Variants in FHDC1 observed in about 807,000 individuals in gnomAD.
FHDC1 encodes the protein FH2 domain containing 1.
A neutral mutation model predicts 52.6 loss-of-function variants in FHDC1; 25 were observed. The ratio of observed to expected loss-of-function variants is 0.48; its 90% CI spans 0.35 to 0.66. The LOEUF is 0.66. FHDC1 is among the 30% of genes least tolerant of loss of function. The pLI, the probability that FHDC1 is intolerant of heterozygous loss-of-function variation, is 0.01. For synonymous variants in FHDC1, 616 were observed against 581.5 expected, an observed-to-expected ratio of 1.06 and a Z score of -0.85; for missense variants, 1,459 against 1,452.8, an observed-to-expected ratio of 1.00 and a Z score of -0.07.
chr4:152,936,365 G>A lies in FHDC1; in HGVS notation c.-175G>A, dbSNP rs1297616196. 2.0e-5 allele frequency: 3 copies of A among 152,384 alleles called. No individual in the cohort carries two copies. Among genetic ancestry groups the A allele is most frequent in the Admixed American group, 1.3e-4 (2 of 15,278 alleles). 9.4% of individuals were successfully genotyped at this position (152,384 alleles called of 1,614,324 possible). ...GGCTACGCCGACACAACGGCGGGAGGCTGCAGCGGTCTGCGCGCCGGGAGC... is the reference window on the plus strand; with the variant it reads ...GGCTACGCCGACACAACGGCGGGAGACTGCAGCGGTCTGCGCGCCGGGAGC... On this transcript the variant is annotated 5_prime_UTR_variant, in exon 1 of 12. Coordinates refer to ENST00000511601, the MANE Select transcript of FHDC1 (RefSeq NM_001371116.1).
At chr4:152,926,553 T>G in the FHDC1 span, among the ~76,000 whole-genome samples, 3 of 151,438 alleles carry the variant, frequency 2.0e-5, no homozygotes. Flanking sequence ...GTGATGCCAT[T>G]GCTTTTTTAG....
rs200754454 is a variant in FHDC1, at chr4:152,976,393, C to G, written c.3102C>G (p.Ser1034Arg). Residue 1034 changes from serine (S) to arginine (R), a missense_variant, in exon 12 of 12, where the codon AGC (serine) becomes AGG (arginine). Physicochemically the swap from Ser to Arg is moderately radical, Grantham distance 110. This residue lies in a region of FHDC1 where 939 missense variants were observed against 854.5 expected (regional missense o/e 1.10). Coordinates refer to ENST00000511601, the MANE Select transcript of FHDC1 (RefSeq NM_001371116.1). ...CCCACGAACTACCCCGTGTCCCGAGCTTTGCCCGGAACACAGTGGCCTCCT... is the reference window on the plus strand; with the variant it reads ...CCCACGAACTACCCCGTGTCCCGAGGTTTGCCCGGAACACAGTGGCCTCCT... ...SVPHELPRVPSFARNTVASSS... is the reference protein window; with the variant it reads ...SVPHELPRVPRFARNTVASSS... 15 of 1,613,840 alleles carry G rather than the reference C, an allele frequency of 9.3e-6. No homozygotes were observed. The highest frequency in any genetic ancestry group is 1.1e-5 in the South Asian group (1 of 91,088).
At chr4:152,959,142 G>C (rs1411474741) in intron 4 of FHDC1, among the ~76,000 whole-genome samples, 1 of 152,150 alleles carries the variant, frequency 6.6e-6, no homozygotes, top group African/African-American at 2.4e-5. Flanking sequence ...ATAATATGAA[G>C]TGTTAGCTAC....
intron 6 of FHDC1, among the ~76,000 whole-genome samples, chr4:152,962,572 T>G (rs987332244): frequency 6.6e-6 from 1 of 152,268 alleles, no homozygotes; most frequent in Non-Finnish European, 1.5e-5. Context: ...TGAACTATTT[T>G]GTGCTATTTA....
At chr4:152,929,107 A>T in the FHDC1 span, among the ~76,000 whole-genome samples, 1 of 152,148 alleles carries the variant, frequency 6.6e-6, no homozygotes. This position sits in a 1 kb window ranked among gnomAD's most constrained non-coding sequence, Gnocchi z 4.1. Context: ...GAGACATGAG[A>T]CATCAATCAA....
At chr4:152,928,623 T>C in the FHDC1 span, among the ~76,000 whole-genome samples, 3 of 152,356 alleles carry the variant, frequency 2.0e-5, no homozygotes, top group South Asian at 6.2e-4. Flanking sequence ...TTAAACATTC[T>C]ATTGTAGATG....
intron 5 of FHDC1, 31 bp downstream of exon 5, chr4:152,960,681 C>T: frequency 6.2e-7 from 1 of 1,610,774 alleles, no homozygotes; most frequent in Non-Finnish European, 8.5e-7. Context: ...TATTATTCTT[C>T]ACGCAGTAAG....
In FHDC1 at chr4:152,975,138, C is replaced by T. The variant is rs780972369; in HGVS notation, c.1847C>T (p.Ser616Leu). 6.2e-7 allele frequency: 1 copy of T among 1,612,960 alleles called. No homozygotes were observed. Among genetic ancestry groups the T allele is most frequent in the Non-Finnish European group, 8.5e-7 (1 of 1,180,028 alleles). The change falls in exon 12 of 12, where the codon TCA becomes TTA. Residue 616 changes from serine (S) to leucine (L), a missense_variant. By Grantham distance (145) the Ser-to-Leu change is moderately radical (BLOSUM62 -2). Coordinates refer to ENST00000511601, the MANE Select transcript of FHDC1 (RefSeq NM_001371116.1). Reference protein sequence around the residue: ...GGQEEAPNPPSAQAHQLAAAQ... With the variant: ...GGQEEAPNPPLAQAHQLAAAQ... ...CAGGAGGAGGCCCCCAACCCACCCTCAGCACAGGCGCACCAGCTTGCAGCC... is the reference window on the plus strand; with the variant it reads ...CAGGAGGAGGCCCCCAACCCACCCTTAGCACAGGCGCACCAGCTTGCAGCC...
upstream of FHDC1, among the ~76,000 whole-genome samples, chr4:152,933,668 G>C (rs1441835423): frequency 6.7e-6 from 1 of 149,900 alleles, no homozygotes; most frequent in East Asian, 1.9e-4. Context: ...GGGAGGCAGA[G>C]GTTGCAGTGA....
chr4:152,914,832 C>G, the FHDC1 span, among the ~76,000 whole-genome samples: 2 of 152,024 alleles, frequency 1.3e-5, no homozygotes, highest in African/African-American at 4.8e-5. Flanking sequence ...CCATATACCT[C>G]TCACTACATC....
At position 152,976,339 on chromosome 4, in the gene FHDC1, GC is replaced by G; in HGVS notation, c.3051del (p.Lys1018ArgfsTer30). ...AGGGCCCTGAGAGTCCCAAAGAAGAGCCCAAGACCCCGTCAGTGCCCAGCGT... is the reference window on the plus strand; with the variant it reads ...AGGGCCCTGAGAGTCCCAAAGAAGAGCCAAGACCCCGTCAGTGCCCAGCGT... ...SEGPESPKEE[P>X]KTPSVPSVPH... is the part of the protein sequence containing the mutation. On this transcript the variant is annotated frameshift_variant, in exon 12 of 12. Transcript: ENST00000511601. LOFTEE classifies it low-confidence loss of function (END_TRUNC). 6.2e-7 allele frequency: 1 copy of G among 1,613,720 alleles called. No homozygotes were observed. Among genetic ancestry groups the G allele is most frequent in the Non-Finnish European group, 8.5e-7 (1 of 1,180,024 alleles).
chr4:152,957,926 A>T (rs550606720), intron 4 of FHDC1, among the ~76,000 whole-genome samples: 3 of 150,876 alleles, frequency 2.0e-5, no homozygotes, highest in Non-Finnish European at 4.4e-5. Flanking sequence ...GAACACCCCC[A>T]CCACGCCTGA....
chr4:152,932,116 G>T (rs557582910), upstream of FHDC1, among the ~76,000 whole-genome samples: 7 of 152,106 alleles, frequency 4.6e-5, 1 homozygote, highest in South Asian at 1.5e-3. Context: ...GGGTGTGGTG[G>T]CTCACATCTG....
chr4:152,913,835 C>T, the FHDC1 span, among the ~76,000 whole-genome samples: 1 of 152,116 alleles, frequency 6.6e-6, no homozygotes, highest in Admixed American at 6.6e-5. Context: ...CATGCGCCAC[C>T]ACGCCTGGCT....
chr4:152,946,525 T>C (rs1043101814), intron 2 of FHDC1, among the ~76,000 whole-genome samples: 1 of 152,248 alleles, frequency 6.6e-6, no homozygotes, highest in Non-Finnish European at 1.5e-5. Context: ...AGCAGGGTTC[T>C]TGTCTAACAA....
At chr4:152,947,048 G>A (rs567899552) in intron 2 of FHDC1, among the ~76,000 whole-genome samples, 9 of 151,932 alleles carry the variant, frequency 5.9e-5, no homozygotes, top group South Asian at 2.1e-4. Flanking sequence ...GTGAAACCCC[G>A]TCTCTACTAA....
rs1740889468 is a variant in FHDC1 at position 152,976,460 on chromosome 4, GC to G, written c.3174del (p.Gly1059AlafsTer11). On this transcript the variant is annotated frameshift_variant, in exon 12 of 12. Transcript: ENST00000511601. LOFTEE classifies it low-confidence loss of function (END_TRUNC). ...AACAGATCTTCCTCCCGTGGCCAAA[GC>G]CCCCGGCATCACTCGGACAGTGTCG... is the stretch of plus-strand genomic sequence containing the variant. ...MRTDLPPVAK[A>X]PGITRTVSQR... is the part of the protein sequence containing the mutation. 1 of 1,613,506 alleles carries G rather than the reference GC, an allele frequency of 6.2e-7. No individual in the cohort carries two copies. Among genetic ancestry groups the G allele is most frequent in the Non-Finnish European group, 8.5e-7 (1 of 1,180,034 alleles).
At chr4:152,941,567 T>C (rs1016353756) in intron 1 of FHDC1, among the ~76,000 whole-genome samples, 2 of 152,234 alleles carry the variant, frequency 1.3e-5, no homozygotes, top group Non-Finnish European at 2.9e-5. Context: ...GTTACCAACC[T>C]CAGCTCATGT....
chr4:152,929,506 G>A, the FHDC1 span, among the ~76,000 whole-genome samples: 3 of 152,244 alleles, frequency 2.0e-5, no homozygotes, highest in Admixed American at 1.3e-4. This position sits in a 1 kb window ranked among gnomAD's most constrained non-coding sequence, Gnocchi z 4.1. Flanking sequence ...GCCCAACGAC[G>A]CAGTTTCCAG....
Sources: allele counts gnomAD v4.1 joint callset (sites outside exome capture counted in the v4.1 genomes callset), GRCh38; gene constraint gnomAD v4.1.1; regional missense constraint gnomAD v4.1.1; non-coding constraint Gnocchi (gnomAD v3.1); transcripts MANE v1.5; gene names NCBI Gene and HGNC (gene_info 2026-07-23, HGNC 2026-07-21).